ADH5: variants seen among roughly 807,000 people sequenced by gnomAD.
ADH5 encodes alcohol dehydrogenase 5 (class III), chi polypeptide.
A neutral mutation model predicts 40.3 loss-of-function variants in ADH5; 32 were observed. The observed-to-expected ratio is 0.79, with a 90% CI of 0.60 to 1.07. The LOEUF (loss-of-function observed/expected upper bound fraction) is 1.07. Among genes scored for constraint, ADH5 ranks in the 50% least tolerant of loss-of-function variants. The pLI is 0.00. For missense variants in ADH5, 353 were observed against 460.5 expected (o/e 0.77, Z 2.14); for synonymous variants, 125 against 154.3 (o/e 0.81, Z 1.41).
chr4:99,086,939 C>CAAAAAAAAAAAAAAAAAAAAAAA (rs58359709), intron 1 of ADH5, among the ~76,000 whole-genome samples: 1 of 64,270 alleles, frequency 1.6e-5, no homozygotes, highest in Non-Finnish European at 2.6e-5. Context: ...GACTGCGTCT[C>CAAAAAAAAAAAAAAAAAAAAAAA]AAAAAAAAAA....
intron 2 of ADH5, among the ~76,000 whole-genome samples, chr4:99,083,183 C>G (rs1353855556): frequency 6.6e-6 from 1 of 152,126 alleles, no homozygotes; most frequent in African/African-American, 2.4e-5. Flanking sequence ...TGTATGGGCA[C>G]TTAATACATC....
chr4:99,083,814 T>C (rs532671892), intron 2 of ADH5, among the ~76,000 whole-genome samples: 1 of 152,036 alleles, frequency 6.6e-6, no homozygotes, highest in Non-Finnish European at 1.5e-5. Context: ...GCACTAATTT[T>C]ATATCAAAAC....
chr4:99,079,644 T>TAAAAA (rs764157228), intron 4 of ADH5, among the ~76,000 whole-genome samples: 1 of 145,296 alleles, frequency 6.9e-6, no homozygotes, highest in Non-Finnish European at 1.5e-5. Flanking sequence ...CTACTTCAAT[T>TAAAAA]AAAAAAAAAA....
intron 1 of ADH5, among the ~76,000 whole-genome samples, chr4:99,086,866 G>A (rs1275963256): frequency 4.2e-5 from 6 of 143,202 alleles, no homozygotes; most frequent in African/African-American, 1.6e-4. Context: ...CGTGAACCCA[G>A]GAGGCGGAGC....
At chr4:99,087,713 C>T (rs184225311) in intron 1 of ADH5, among the ~76,000 whole-genome samples, 1 of 152,266 alleles carries the variant, frequency 6.6e-6, no homozygotes, top group African/African-American at 2.4e-5. Flanking sequence ...CAAAGCCCCA[C>T]TCTAAATCCG....
At chr4:99,080,654 T>C (rs183463262) in intron 4 of ADH5, 2 of 152,544 alleles carry the variant, frequency 1.3e-5, no homozygotes, top group East Asian at 1.9e-4. Flanking sequence ...CCGCAAATGG[T>C]AGAGAAGGCT....
Position 99,071,545 on chromosome 4 carries a change from T to C in ADH5, c.*872A>G, listed in dbSNP as rs553610082. On this transcript the variant is annotated 3_prime_UTR_variant, in exon 9 of 9. Transcript: ENST00000296412. ...ATACAATAATGAGTGAAAAAAGCTGTAGAATGAGCAAGTATGAGGCTTAAA... is the reference window on the plus strand; with the variant it reads ...ATACAATAATGAGTGAAAAAAGCTGCAGAATGAGCAAGTATGAGGCTTAAA... 6.6e-6 allele frequency: 1 copy of C among 152,274 alleles called. No individual in the cohort carries two copies. The highest frequency in any genetic ancestry group is 2.4e-5 in the African/African-American group (1 of 41,548). The allele number at this position is 152,274 out of a possible 1,614,324, so 9.4% of individuals were successfully genotyped here.
intron 2 of ADH5, 28 bp from the exon 3 acceptor site, chr4:99,082,144 G>T (rs1728038217): frequency 6.2e-7 from 1 of 1,608,800 alleles, no homozygotes; most frequent in African/African-American, 1.3e-5. Flanking sequence ...CAACGAATGT[G>T]TAAGTATGTG....
intron 6 of ADH5, 92 bp downstream of exon 6, chr4:99,076,200 T>A: frequency 1.4e-6 from 2 of 1,393,752 alleles, no homozygotes; most frequent in Admixed American, 4.6e-5. Flanking sequence ...TAAGAGACTT[T>A]TCCTTTGCCA....
chr4:99,080,823 TATC>T lies in ADH5; in HGVS notation c.344+539_344+541del, dbSNP rs554543807. 3.1e-5 allele frequency: 5 copies of T among 160,862 alleles called. No individual in the cohort carries two copies. In the South Asian group the frequency reaches 8.9e-4, roughly 29 times the overall value. The allele number at this position is 160,862 out of a possible 1,614,324, so 10.0% of individuals were successfully genotyped here. On this transcript the variant is annotated intron_variant, in intron 4 of 8. Transcript: ENST00000296412. ...AAACTGCCACACAATTATTTATTCT[TATC>T]ATTGTTAATATGACCTTGTGGAACA...
rs146344674 is a variant in ADH5 at position 99,083,764 on chromosome 4, G to A, written c.114+1351C>T. ...CTCCAAGTCACAGCTCTTTTTTGCT[G>A]TGACTCTCTTCCTAGAATGTTAATG... On this transcript the variant is annotated intron_variant, in intron 2 of 8. Transcript: ENST00000296412. Among the ~76,000 whole-genome samples the A allele has an allele frequency of 4.0e-3, 608 of 152,120 alleles. 1 individual carries two copies. The highest frequency in any genetic ancestry group is 0.013 in the African/African-American group (556 of 41,514).
At chr4:99,081,298 G>T in intron 4 of ADH5, 67 bp downstream of exon 4, 1 of 1,034,200 alleles carries the variant, frequency 9.7e-7, no homozygotes, top group Non-Finnish European at 1.5e-6. Flanking sequence ...TCAACCCCTC[G>T]GTCTCTGTGA....
intron 3 of ADH5, chr4:99,081,766 A>G (rs1579364499): frequency 3.1e-6 from 2 of 644,674 alleles, no homozygotes; most frequent in Non-Finnish European, 5.0e-6. Context: ...AAATGTACTT[A>G]GAAAAGTTTC....
Position 99,076,371 on chromosome 4 carries a change from G to A in ADH5, c.746C>T (p.Pro249Leu), listed in dbSNP as rs760933530. 62 of 1,613,982 alleles carry A rather than the reference G, an allele frequency of 3.8e-5. No individual in the cohort carries two copies. Among genetic ancestry groups the A allele is most frequent in the Non-Finnish European group, 5.1e-5 (60 of 1,180,008 alleles). Residue 249 changes from proline to leucine, a missense_variant, in exon 6 of 9, where the codon CCC (proline) becomes CTC (leucine). Physicochemically the swap from Pro to Leu is moderately conservative, Grantham distance 98 (BLOSUM62 -3). Transcript: ENST00000296412. Reference sequence around the variant, plus strand: ...CATCTCAATGAGCACTTCCTGGATGGGTTTACTAAAATCCTGAGGGTTAAT... The same window carrying A: ...CATCTCAATGAGCACTTCCTGGATGAGTTTACTAAAATCCTGAGGGTTAAT... ...ECINPQDFSK[P>L]IQEVLIEMTD...
intron 2 of ADH5, among the ~76,000 whole-genome samples, chr4:99,084,832 CAG>C (rs1728099625): frequency 1.3e-5 from 2 of 152,146 alleles, no homozygotes; most frequent in South Asian, 2.1e-4. Context: ...GAGTATCCTA[CAG>C]AGTTACCTTA....
At position 99,071,594 on chromosome 4, in the gene ADH5, G is replaced by GT. The variant is rs1727835157; in HGVS notation, c.*822dup. ...AAAATATATAAAACAGTACTAAAGA[G>GT]TAGATGGTTTAGGTTATACACAGTG... On this transcript the variant is annotated 3_prime_UTR_variant, in exon 9 of 9. Coordinates refer to ENST00000296412, the MANE Select transcript of ADH5 (RefSeq NM_000671.4). 6.6e-6 allele frequency: 1 copy of GT among 152,172 alleles called. No individual in the cohort carries two copies. Among genetic ancestry groups the GT allele is most frequent in the Non-Finnish European group, 1.5e-5 (1 of 68,034 alleles). The allele number at this position is 152,172 out of a possible 1,614,324, so 9.4% of individuals were successfully genotyped here. A position where few individuals can be genotyped will look rare whatever the true frequency, so the allele number is the denominator to read the frequency against.
intron 7 of ADH5, among the ~76,000 whole-genome samples, chr4:99,073,970 G>C (rs1452940737): frequency 6.6e-6 from 1 of 152,146 alleles, no homozygotes; most frequent in East Asian, 1.9e-4. Flanking sequence ...CATGTATCTA[G>C]AGCTTTGAAG....
chr4:99,073,745 TTA>T (rs1316689539), intron 7 of ADH5, among the ~76,000 whole-genome samples: 2 of 152,194 alleles, frequency 1.3e-5, no homozygotes, highest in Non-Finnish European at 2.9e-5. Flanking sequence ...AAAGCTTCTA[TTA>T]TCTTTAGATC....
chr4:99,088,649 C>A, intron 1 of ADH5, 40 bp downstream of exon 1: 2 of 1,591,764 alleles, frequency 1.3e-6, no homozygotes, highest in East Asian at 2.3e-5. Context: ...CCATGCACTC[C>A]CTCCCTTGGA....
Sources: allele counts gnomAD v4.1 joint callset (sites outside exome capture counted in the v4.1 genomes callset), GRCh38; gene constraint gnomAD v4.1.1; transcripts MANE v1.5; gene names NCBI Gene and HGNC (gene_info 2026-07-23, HGNC 2026-07-21).